Variants in ADGRL2 observed in about 807,000 individuals in gnomAD.
ADGRL2 encodes the protein calcium-independent alpha-latrotoxin receptor 2.
In ADGRL2, 44 loss-of-function variants were observed where a neutral mutation model predicts 157.4. The ratio of observed to expected loss-of-function variants is 0.28; its 90% CI spans 0.22 to 0.36. ADGRL2 has a LOEUF of 0.36. Ranked by LOEUF, ADGRL2 falls within the 10% of genes least tolerant of loss-of-function variation. ADGRL2 has a pLI of 1.00. For missense variants in ADGRL2, 1,510 were observed against 1,768.9 expected (o/e 0.85, Z 2.63); for synonymous variants, 585 against 624.7 (o/e 0.94, Z 0.95).
In ADGRL2 at chr1:81,569,460, A is replaced by T. The variant is rs6672198; in HGVS notation, c.-247-11416A>T. 1.5e-3 allele frequency among the ~76,000 whole-genome samples: 228 copies of T among 152,316 alleles called. 2 individuals are homozygous for T. Among genetic ancestry groups the T allele is most frequent in the African/African-American group, 5.2e-3 (217 of 41,564 alleles). On this transcript the variant is annotated intron_variant, in intron 2 of 24. Coordinates refer to the ADGRL2 transcript ENST00000370721. ...TAGATTCTGAGTCAGGAATTAAGGG[A>T]TGGCTTAGTTTGTTGGTTCTGGCTC...
intron 3 of ADGRL2, among the ~76,000 whole-genome samples, chr1:81,693,514 G>T (rs754527484): frequency 1.3e-5 from 2 of 152,188 alleles, no homozygotes; most frequent in Non-Finnish European, 2.9e-5. Context: ...TTCCCTGTCT[G>T]TTTAAACTAT....
At chr1:81,392,047 G>A (rs1272848574) in intron 1 of ADGRL2, among the ~76,000 whole-genome samples, 2 of 152,052 alleles carry the variant, frequency 1.3e-5, no homozygotes, top group African/African-American at 4.8e-5. Context: ...GACTTGCAAC[G>A]AATGAGCTCG....
At chr1:81,338,162 C>T (rs576784714) in intron 1 of ADGRL2, among the ~76,000 whole-genome samples, 4 of 152,072 alleles carry the variant, frequency 2.6e-5, no homozygotes, top group South Asian at 2.1e-4. Context: ...CAGAAGTTCG[C>T]GACCAGCCTG....
At chr1:81,738,771 C>T (rs868359484) in intron 1 of ADGRL2, among the ~76,000 whole-genome samples, 1 of 152,240 alleles carries the variant, frequency 6.6e-6, no homozygotes, top group Non-Finnish European at 1.5e-5. Flanking sequence ...TTGCTGACCT[C>T]ATTTTCCTCA....
chr1:81,388,530 A>T (rs150704638), intron 1 of ADGRL2, among the ~76,000 whole-genome samples: 1 of 152,226 alleles, frequency 6.6e-6, no homozygotes, highest in African/African-American at 2.4e-5. Context: ...TCCCACCTCA[A>T]AATAAATGTG....
intron 3 of ADGRL2, among the ~76,000 whole-genome samples, chr1:81,685,969 C>G (rs1450133804): frequency 6.6e-6 from 1 of 152,178 alleles, no homozygotes; most frequent in Admixed American, 6.5e-5. Context: ...ACCATCTGTG[C>G]ATCCCTGGTG....
intron 1 of ADGRL2, among the ~76,000 whole-genome samples, chr1:81,821,035 G>A (rs192321096): frequency 2.0e-5 from 3 of 152,266 alleles, no homozygotes; most frequent in East Asian, 3.9e-4. Flanking sequence ...TTTATGAAAG[G>A]ATCAGTCATG....
chr1:81,671,657 C>T (rs554290346), intron 3 of ADGRL2, among the ~76,000 whole-genome samples: 4 of 152,224 alleles, frequency 2.6e-5, no homozygotes, highest in East Asian at 1.9e-4. Context: ...GGATTACAGG[C>T]GCCCGCTACC....
intron 1 of ADGRL2, among the ~76,000 whole-genome samples, chr1:81,751,438 T>C (rs1036423791): frequency 3.9e-5 from 6 of 152,224 alleles, no homozygotes; most frequent in African/African-American, 1.2e-4. Context: ...GAAACCTGAA[T>C]CTGATAATGA....
intron 3 of ADGRL2, among the ~76,000 whole-genome samples, chr1:81,680,323 T>C (rs569542407): frequency 1.3e-5 from 2 of 152,336 alleles, no homozygotes; most frequent in African/African-American, 2.4e-5. Flanking sequence ...TATTTCTTTG[T>C]TGACAGTTGC....
At chr1:81,613,736 T>C (rs1490957285) in intron 3 of ADGRL2, among the ~76,000 whole-genome samples, 2 of 152,168 alleles carry the variant, frequency 1.3e-5, no homozygotes, top group Non-Finnish European at 2.9e-5. Flanking sequence ...GGTGATCCAA[T>C]GGTATAAAAA....
intron 1 of ADGRL2, among the ~76,000 whole-genome samples, chr1:81,808,873 C>G (rs1051670617): frequency 2.0e-5 from 3 of 152,012 alleles, no homozygotes; most frequent in African/African-American, 7.2e-5. Context: ...CAAGCACAAC[C>G]GCTACTCAAA....
chr1:81,784,102 G>A (rs1192625443), intron 2 of ADGRL2, among the ~76,000 whole-genome samples: 1 of 152,176 alleles, frequency 6.6e-6, no homozygotes, highest in African/African-American at 2.4e-5. Flanking sequence ...AAGCTTTTAA[G>A]TTATGTTGCT....
At position 81,971,736 on chromosome 1, in the gene ADGRL2, C is replaced by T. The variant is rs1187116811; in HGVS notation, c.2955-116C>T. Reference sequence around the variant, plus strand: ...GAGGTCTTGCACATGATAAATGAATCTTCAAAGGCAAATGTAAAGATAGTT... The same window carrying T: ...GAGGTCTTGCACATGATAAATGAATTTTCAAAGGCAAATGTAAAGATAGTT... On this transcript the variant is annotated intron_variant, in intron 16 of 23. Transcript: ENST00000686636. 6.9e-6 allele frequency: 4 copies of T among 578,108 alleles called. No homozygotes were observed. The East Asian group carries it at 1.1e-4, about 17-fold the overall frequency. The allele number at this position is 578,108 out of a possible 1,614,324, so 35.8% of individuals were successfully genotyped here.
chr1:81,963,222 G>A (rs972626798), intron 11 of ADGRL2, among the ~76,000 whole-genome samples: 1 of 151,510 alleles, frequency 6.6e-6, no homozygotes, highest in African/African-American at 2.4e-5. Flanking sequence ...TTAATTGTTT[G>A]TTGTGTGGTG....
chr1:81,767,926 A>G (rs1314348448), intron 2 of ADGRL2, among the ~76,000 whole-genome samples: 1 of 151,990 alleles, frequency 6.6e-6, no homozygotes, highest in Non-Finnish European at 1.5e-5. Context: ...AATTTATTAG[A>G]TAATTCACAA....
chr1:81,337,287 A>G (rs926709411), intron 1 of ADGRL2, among the ~76,000 whole-genome samples: 2 of 152,208 alleles, frequency 1.3e-5, no homozygotes, highest in African/African-American at 4.8e-5. Flanking sequence ...TTCACGGATG[A>G]CAAAGCTAAA....
intron 2 of ADGRL2, among the ~76,000 whole-genome samples, chr1:81,838,454 T>C (rs1490837471): frequency 6.6e-6 from 1 of 152,062 alleles, no homozygotes; most frequent in Non-Finnish European, 1.5e-5. Flanking sequence ...ATATCTAACA[T>C]CATATGTAAT....
chr1:81,926,768 A>T (rs2095116809), intron 3 of ADGRL2, among the ~76,000 whole-genome samples: 1 of 151,988 alleles, frequency 6.6e-6, no homozygotes, highest in African/African-American at 2.4e-5. Flanking sequence ...CATGCTTTGT[A>T]AATAAATACT....
Sources: allele counts gnomAD v4.1 joint callset (sites outside exome capture counted in the v4.1 genomes callset), GRCh38; gene constraint gnomAD v4.1.1; transcripts MANE v1.5; gene names NCBI Gene and HGNC (gene_info 2026-07-23, HGNC 2026-07-21).